ANKRD33B: variants seen among roughly 807,000 people sequenced by gnomAD.
ANKRD33B encodes the protein ankyrin repeat domain 33B.
A neutral mutation model predicts 21.5 loss-of-function variants in ANKRD33B; 6 were observed. The observed-to-expected ratio is 0.28, with a 90% CI of 0.15 to 0.55. The LOEUF (loss-of-function observed/expected upper bound fraction) is 0.55. Among genes scored for constraint, ANKRD33B ranks in the 20% least tolerant of loss-of-function variants. The pLI is 0.94. For synonymous variants in ANKRD33B, 347 were observed against 342.4 expected (o/e 1.01, Z -0.15); for missense variants, 698 against 747.2 (o/e 0.93, Z 0.77).
intron 2 of ANKRD33B, among the ~76,000 whole-genome samples, chr5:10,620,159 G>T (rs1226620033): frequency 6.6e-6 from 1 of 152,084 alleles, no homozygotes; most frequent in Admixed American, 6.5e-5. Context: ...AGGATCCCAG[G>T]GGCGTAGCAG....
intron 3 of ANKRD33B, among the ~76,000 whole-genome samples, chr5:10,648,997 C>T (rs1357392067): frequency 6.6e-6 from 1 of 152,174 alleles, no homozygotes; most frequent in Admixed American, 6.5e-5. Context: ...GGTGTAGCCC[C>T]AGCTACTCGG....
intron 2 of ANKRD33B, among the ~76,000 whole-genome samples, chr5:10,625,873 T>C (rs1261520398): frequency 1.3e-5 from 2 of 152,138 alleles, no homozygotes; most frequent in African/African-American, 4.8e-5. Context: ...TTGAAGCATG[T>C]TGAGTGACAG....
chr5:10,567,284 T>C (rs1326244415), intron 1 of ANKRD33B, among the ~76,000 whole-genome samples: 1 of 152,230 alleles, frequency 6.6e-6, no homozygotes, highest in Non-Finnish European at 1.5e-5. Context: ...AAGAATCAAG[T>C]GTGGCAAAGC....
chr5:10,625,893 G>A (rs571310931), intron 2 of ANKRD33B, among the ~76,000 whole-genome samples: 162 of 152,332 alleles, frequency 1.1e-3, no homozygotes, highest in African/African-American at 3.8e-3. Flanking sequence ...GGTGGTCTCA[G>A]AGGGCTGAAC....
chr5:10,571,375 A>G lies in ANKRD33B; in HGVS notation c.366+6542A>G, dbSNP rs181828256. On this transcript the variant is annotated intron_variant, in intron 1 of 3. Coordinates refer to ENST00000296657, the MANE Select transcript of ANKRD33B (RefSeq NM_001164440.2). ...CGTCACGATGCCCAGCTAAATTTTGAATTTTGAGTAGAGATGGAGTTTCGC... is the reference window on the plus strand; with the variant it reads ...CGTCACGATGCCCAGCTAAATTTTGGATTTTGAGTAGAGATGGAGTTTCGC... Among the ~76,000 whole-genome samples the G allele has an allele frequency of 1.3e-3, 198 of 151,856 alleles. 1 individual carries two copies. The highest frequency in any genetic ancestry group is 4.5e-3 in the African/African-American group (185 of 41,430).
intron 2 of ANKRD33B, among the ~76,000 whole-genome samples, chr5:10,634,616 C>T (rs1412467081): frequency 3.3e-5 from 5 of 151,904 alleles, no homozygotes; most frequent in African/African-American, 9.7e-5. Context: ...TGCACCAGCA[C>T]ACCCAGCTAA....
In ANKRD33B at chr5:10,652,468, C is replaced by T. The variant is rs543976384; in HGVS notation, c.*2355C>T. The T allele has an allele frequency of 8.5e-5, 13 of 152,660 alleles. No homozygotes were observed. The East Asian group carries it at 1.3e-3, about 15-fold the overall frequency. 9.5% of individuals were successfully genotyped at this position (152,660 alleles called of 1,614,324 possible). A position where few individuals can be genotyped will look rare whatever the true frequency, so the allele number is the denominator to read the frequency against. The stretch of plus-strand genomic sequence containing the variant: ...GTCAGGCAGCTTCTGCTCGGACTGA[C>T]GTGGCGTCTGACCCTTGGTGGGTTG... On this transcript the variant is annotated 3_prime_UTR_variant, in exon 4 of 4. Transcript: ENST00000296657. The surrounding 1 kb of genome is among the most constrained non-coding windows in gnomAD (Gnocchi z 4.1).
intron 1 of ANKRD33B, among the ~76,000 whole-genome samples, chr5:10,617,497 C>T (rs1414400668): frequency 1.3e-5 from 2 of 152,232 alleles, no homozygotes; most frequent in African/African-American, 4.8e-5. Context: ...AATCCAAATT[C>T]GCCTCCCCAG....
intron 3 of ANKRD33B, among the ~76,000 whole-genome samples, chr5:10,647,572 G>A (rs1322465717): frequency 3.3e-5 from 5 of 152,170 alleles, no homozygotes; most frequent in Non-Finnish European, 7.3e-5. Context: ...GTGGACTGGG[G>A]AGATTTATTA....
chr5:10,586,089 C>G (rs72742313), intron 1 of ANKRD33B, among the ~76,000 whole-genome samples: 1 of 152,158 alleles, frequency 6.6e-6, no homozygotes, highest in Admixed American at 6.5e-5. Context: ...TGTCTCTGCT[C>G]CATGCTAATT....
chr5:10,636,601 A>G (rs1170371327), intron 2 of ANKRD33B, among the ~76,000 whole-genome samples: 1 of 152,202 alleles, frequency 6.6e-6, no homozygotes, highest in East Asian at 1.9e-4. Context: ...TGAGTGACAA[A>G]GAGAGACTCC....
At chr5:10,633,668 G>A (rs1736787751) in intron 2 of ANKRD33B, among the ~76,000 whole-genome samples, 1 of 152,192 alleles carries the variant, frequency 6.6e-6, no homozygotes, top group South Asian at 2.1e-4. Flanking sequence ...AGCACTCATG[G>A]CTCCTCAGGC....
At chr5:10,574,847 AAGCG>A (rs1735281643) in intron 1 of ANKRD33B, among the ~76,000 whole-genome samples, 4 of 57,500 alleles carry the variant, frequency 7.0e-5, no homozygotes, top group African/African-American at 1.4e-4. Flanking sequence ...TGGGAGGCTG[AAGCG>A]GGAGAGCTGC....
intron 2 of ANKRD33B, among the ~76,000 whole-genome samples, chr5:10,620,777 T>A (rs573793857): frequency 6.6e-6 from 1 of 152,260 alleles, no homozygotes; most frequent in Non-Finnish European, 1.5e-5. Context: ...CAGTGTGTCC[T>A]GGTGTGGGTG....
At chr5:10,630,827 C>T (rs746505199) in intron 2 of ANKRD33B, among the ~76,000 whole-genome samples, 5 of 149,540 alleles carry the variant, frequency 3.3e-5, no homozygotes, top group Non-Finnish European at 5.9e-5. Context: ...GAGCCAAGGT[C>T]GCGCCACTGC....
At position 10,651,461 on chromosome 5, in the gene ANKRD33B, G is replaced by C. The variant is rs1737355359; in HGVS notation, c.*1348G>C. The C allele has an allele frequency of 6.6e-6, 1 of 152,082 alleles. No individual in the cohort carries two copies. Among genetic ancestry groups the C allele is most frequent in the African/African-American group, 2.4e-5 (1 of 41,344 alleles). The allele number at this position is 152,082 out of a possible 1,614,324, so 9.4% of individuals were successfully genotyped here. A position where few individuals can be genotyped will look rare whatever the true frequency, so the allele number is the denominator to read the frequency against. Reference sequence around the variant, plus strand: ...TTGAATTTATCAAAGGGGGTTTTCTGCATAATTTTGTATTTGTAATCATTA... The same window carrying C: ...TTGAATTTATCAAAGGGGGTTTTCTCCATAATTTTGTATTTGTAATCATTA... On this transcript the variant is annotated 3_prime_UTR_variant, in exon 4 of 4. Transcript: ENST00000296657.
chr5:10,613,626 T>C (rs184203465), intron 1 of ANKRD33B, among the ~76,000 whole-genome samples: 84 of 152,194 alleles, frequency 5.5e-4, no homozygotes, highest in African/African-American at 2.0e-3. Context: ...CAGAATCATA[T>C]GGGGTGGCTC....
At chr5:10,599,989 C>A (rs532488776) in intron 1 of ANKRD33B, among the ~76,000 whole-genome samples, 182 of 152,358 alleles carry the variant, frequency 1.2e-3, no homozygotes, top group Non-Finnish European at 2.2e-3. Flanking sequence ...CCTTACCAAA[C>A]AAACACTTGT....
chr5:10,612,845 C>T (rs1736201218), intron 1 of ANKRD33B, among the ~76,000 whole-genome samples: 1 of 152,250 alleles, frequency 6.6e-6, no homozygotes, highest in African/African-American at 2.4e-5. Flanking sequence ...TTAGCAGGGG[C>T]TCATGGCAGC....
Sources: gnomAD v4.1 joint callset for allele counts (sites outside exome capture counted in the v4.1 genomes callset) on GRCh38, gnomAD v4.1.1 for gene constraint, Gnocchi (gnomAD v3.1) non-coding constraint, MANE v1.5 for transcripts, NCBI Gene and HGNC (gene_info 2026-07-23, HGNC 2026-07-21) for gene names.